The following DIS3L2 variants were observed in gnomAD, a reference collection of about 807,000 sequenced individuals.
DIS3L2 encodes DIS3 like 3'-5' exoribonuclease 2.
Under a neutral mutation model 97.5 loss-of-function variants are expected in DIS3L2, and 34 were observed. That is an observed-to-expected ratio of 0.35 (90% confidence interval 0.27 to 0.46). The LOEUF (loss-of-function observed/expected upper bound fraction) is 0.46. DIS3L2 is among the 20% of genes least tolerant of loss of function. The pLI, the probability that DIS3L2 is intolerant of heterozygous loss-of-function variation, is 1.00. For synonymous variants in DIS3L2, 435 were observed against 445.2 expected (o/e 0.98, Z 0.29); for missense variants, 1,038 against 1,146.0 (o/e 0.91, Z 1.36).
At chr2:232,261,318 C>G (rs1042375040) in intron 12 of DIS3L2, among the ~76,000 whole-genome samples, 4 of 152,162 alleles carry the variant, frequency 2.6e-5, no homozygotes, top group African/African-American at 9.7e-5. Flanking sequence ...TCCTTCAGTG[C>G]TGGTTTCTCT....
chr2:232,000,663 T>TTTCCTTTCCTTTC (rs1559529200), intron 1 of DIS3L2, among the ~76,000 whole-genome samples: 7 of 23,146 alleles, frequency 3.0e-4, no homozygotes, highest in African/African-American at 7.3e-4. Context: ...CTTTCCTTTC[T>TTTCCTTTCCTTTC]CTTTCTCTCT....
chr2:232,016,099 G>T (rs753030453), intron 3 of DIS3L2: 47 of 155,356 alleles, frequency 3.0e-4, no homozygotes, highest in Non-Finnish European at 5.6e-4. Context: ...ACATTGAATA[G>T]TTCAGTTTTT....
chr2:232,241,912 G>A (rs1693112442), intron 11 of DIS3L2, among the ~76,000 whole-genome samples: 1 of 152,192 alleles, frequency 6.6e-6, no homozygotes, highest in African/African-American at 2.4e-5. Flanking sequence ...GTTATTTTAG[G>A]TGCGAAACAG....
intron 7 of DIS3L2, among the ~76,000 whole-genome samples, chr2:232,133,441 G>T (rs945595664): frequency 6.6e-6 from 1 of 152,156 alleles, no homozygotes; most frequent in Non-Finnish European, 1.5e-5. Context: ...TAAAATAAAA[G>T]ATTTAAATGA....
chr2:232,324,337 G>A (rs1017368572), intron 14 of DIS3L2, among the ~76,000 whole-genome samples: 2 of 152,202 alleles, frequency 1.3e-5, no homozygotes, highest in African/African-American at 4.8e-5. Context: ...TTCAGCAAGA[G>A]CTAATTGAAC....
In DIS3L2 at chr2:232,325,113, C is replaced by G. The variant is rs1017112034; in HGVS notation, c.1740-4700C>G. On this transcript the variant is annotated intron_variant, in intron 14 of 20. Coordinates refer to ENST00000325385, the MANE Select transcript of DIS3L2 (RefSeq NM_152383.5). The surrounding 1 kb of genome is among the most constrained non-coding windows in gnomAD (Gnocchi z 4.6). ...GAAGAGCAGATCGCTTTACCCCTTT[C>G]TCATCTCATCACCTCTGAGCCCTGC... Among the ~76,000 whole-genome samples, 2 of 152,222 alleles carry G rather than the reference C, an allele frequency of 1.3e-5. No homozygotes were observed. Among genetic ancestry groups the G allele is most frequent in the African/African-American group, 4.8e-5 (2 of 41,450 alleles).
intron 3 of DIS3L2, among the ~76,000 whole-genome samples, chr2:232,022,053 C>T (rs1455514353): frequency 6.6e-6 from 1 of 152,120 alleles, no homozygotes; most frequent in East Asian, 1.9e-4. Flanking sequence ...AAATGAAAGC[C>T]TTGGACTTTT....
Position 232,314,990 on chromosome 2 carries a change from A to C in DIS3L2, c.1740-14823A>C, listed in dbSNP as rs552030289. On this transcript the variant is annotated intron_variant, in intron 14 of 20. Coordinates refer to ENST00000325385, the MANE Select transcript of DIS3L2 (RefSeq NM_152383.5). ...TCTCTGCCTCTCTGGGTATTTCTCC[A>C]ACCACAGGTTTGCATCCCCAGGGGG... Among the ~76,000 whole-genome samples the C allele has an allele frequency of 8.5e-5, 13 of 152,262 alleles. No homozygotes were observed. In the South Asian group the frequency reaches 2.7e-3, roughly 32 times the overall value.
chr2:232,259,142 C>G (rs1325266250), intron 12 of DIS3L2, among the ~76,000 whole-genome samples: 1 of 152,124 alleles, frequency 6.6e-6, no homozygotes, highest in Non-Finnish European at 1.5e-5. Context: ...TTCAGGGTTG[C>G]AGGCGTTAAG....
At chr2:232,220,135 A>G (rs1407507476) in intron 10 of DIS3L2, among the ~76,000 whole-genome samples, 3 of 146,050 alleles carry the variant, frequency 2.1e-5, no homozygotes, top group Non-Finnish European at 3.1e-5. Flanking sequence ...AAATAAATAA[A>G]TAAATAAATA....
At chr2:232,225,096 A>G (rs552582640) in intron 10 of DIS3L2, among the ~76,000 whole-genome samples, 48 of 152,298 alleles carry the variant, frequency 3.2e-4, no homozygotes, top group East Asian at 5.8e-4. Context: ...AAAGCTGACA[A>G]TGTTAGGGAG....
chr2:232,019,360 T>A (rs573859018), intron 3 of DIS3L2, among the ~76,000 whole-genome samples: 4 of 152,052 alleles, frequency 2.6e-5, no homozygotes, highest in South Asian at 4.1e-4. Context: ...AAGACCAGCC[T>A]GGGCAACATA....
At chr2:232,090,330 A>C (rs1353716917) in intron 6 of DIS3L2, among the ~76,000 whole-genome samples, 1 of 151,944 alleles carries the variant, frequency 6.6e-6, no homozygotes, top group Non-Finnish European at 1.5e-5. Context: ...TTCCTAGCCC[A>C]CTGTTATTTA....
chr2:232,029,657 G>T (rs1434913276), intron 4 of DIS3L2, among the ~76,000 whole-genome samples: 1 of 151,786 alleles, frequency 6.6e-6, no homozygotes, highest in Non-Finnish European at 1.5e-5. Flanking sequence ...ACTTTCTTGG[G>T]GGGCATTATG....
intron 19 of DIS3L2, chr2:232,335,345 G>A (rs1234206203): frequency 4.9e-6 from 1 of 205,250 alleles, no homozygotes; most frequent in Non-Finnish European, 9.9e-6. Context: ...CTGGGCAGAA[G>A]AGGAACGACA....
intron 12 of DIS3L2, among the ~76,000 whole-genome samples, chr2:232,262,672 C>T (rs1459702139): frequency 6.6e-6 from 1 of 152,222 alleles, no homozygotes; most frequent in African/African-American, 2.4e-5. Flanking sequence ...GAAGCCTGTT[C>T]TAGACTTCTG....
intron 5 of DIS3L2, among the ~76,000 whole-genome samples, chr2:232,034,506 C>T (rs1694899643): frequency 6.6e-6 from 1 of 152,142 alleles, no homozygotes; most frequent in South Asian, 2.1e-4. Flanking sequence ...TTGTCTTCTG[C>T]TAACTTTTGA....
chr2:232,238,449 G>A, intron 10 of DIS3L2, 84 bp from the exon 11 acceptor site: 1 of 1,140,044 alleles, frequency 8.8e-7, no homozygotes, highest in South Asian at 1.4e-5. Context: ...CTCTGGGAGT[G>A]ACATACATTC....
Position 232,238,559 on chromosome 2 carries a change from G to A in DIS3L2, c.1231G>A (p.Ala411Thr). 1 of 1,614,180 alleles carries A rather than the reference G, an allele frequency of 6.2e-7. No homozygotes were observed. Residue 411 changes from alanine to threonine, a missense_variant, in exon 11 of 21, where the codon GCT becomes ACT. This residue lies in a region of DIS3L2 where 813 missense variants were observed against 880.1 expected (regional missense o/e 0.92). Transcript: ENST00000325385. ...CAACTTCAAAGTGGGAGTTCACATT[G>A]CTGACGTGAGTTACTTTGTTCCGGA... ...DGNFKVGVHIADVSYFVPEGS... is the reference protein window; with the variant it reads ...DGNFKVGVHITDVSYFVPEGS...
Sources: allele counts gnomAD v4.1 joint callset (sites outside exome capture counted in the v4.1 genomes callset), GRCh38; gene constraint gnomAD v4.1.1; regional missense constraint gnomAD v4.1.1; non-coding constraint Gnocchi (gnomAD v3.1); transcripts MANE v1.5; gene names NCBI Gene and HGNC (gene_info 2026-07-23, HGNC 2026-07-21).